The following PLCB4 variants were observed in gnomAD, a reference collection of about 807,000 sequenced individuals.
PLCB4 encodes phospholipase C beta 4.
Under a neutral mutation model 178.8 loss-of-function variants are expected in PLCB4, and 77 were observed. The observed-to-expected ratio is 0.43, with a 90% CI of 0.36 to 0.52. PLCB4 has a LOEUF of 0.52. Among genes scored for constraint, PLCB4 ranks in the 20% least tolerant of loss-of-function variants. The probability of loss-of-function intolerance (pLI) is 0.00; values close to 1 mark genes in which losing one functional copy is unlikely to be tolerated. For missense variants in PLCB4, 1,024 were observed against 1,453.4 expected, an observed-to-expected ratio of 0.70 and a Z score of 4.80; for synonymous variants, 496 against 490.8, an observed-to-expected ratio of 1.01 and a Z score of -0.14.
At chr20:9,136,350 C>A (rs12479503) in intron 2 of PLCB4, among the ~76,000 whole-genome samples, 1 of 151,832 alleles carries the variant, frequency 6.6e-6, no homozygotes, top group African/African-American at 2.4e-5. Context: ...CAGTGTGTGC[C>A]GATAAGCAGA....
intron 12 of PLCB4, among the ~76,000 whole-genome samples, chr20:9,378,722 G>T (rs2036889125): frequency 6.6e-6 from 1 of 152,102 alleles, no homozygotes; most frequent in South Asian, 2.1e-4. Flanking sequence ...ACAGAAGCAT[G>T]CTTCATTGGG....
chr20:9,232,129 T>C (rs1211294308), intron 3 of PLCB4, among the ~76,000 whole-genome samples: 2 of 152,134 alleles, frequency 1.3e-5, no homozygotes, highest in Non-Finnish European at 2.9e-5. Context: ...AGAAAGCAGA[T>C]CAGTGGTTGC....
intron 12 of PLCB4, among the ~76,000 whole-genome samples, chr20:9,378,528 C>T (rs1165626608): frequency 1.3e-5 from 2 of 152,102 alleles, no homozygotes; most frequent in Non-Finnish European, 2.9e-5. Context: ...GCATCAATTT[C>T]CTAAACAAGG....
Position 9,338,030 on chromosome 20 carries a change from C to T in PLCB4, c.188C>T (p.Ser63Phe). The T allele has an allele frequency of 6.2e-7, 1 of 1,611,830 alleles. No individual in the cohort carries two copies. The highest frequency in any genetic ancestry group is 8.5e-7 in the Non-Finnish European group (1 of 1,178,226). ...CAGGAAGGACAGGTGCTAGAATGCT[C>T]CCTCATCAACAGTATTCGGTCGGGA... ...EGKEGQVLEC[S>F]LINSIRSGAI... is the part of the protein sequence containing the mutation. Residue 63 changes from serine (S) to phenylalanine (F), a missense_variant, in exon 6 of 40, where the codon TCC becomes TTC. By Grantham distance (155) the Ser-to-Phe change is radical (BLOSUM62 -2). Around this residue, in one of 7 missense-constraint regions of PLCB4, gnomAD observed 225 missense variants for 291.0 expected, o/e 0.77. Transcript: ENST00000378473.
chr20:9,470,015 G>A (rs2044075457), intron 36 of PLCB4, among the ~76,000 whole-genome samples: 1 of 152,164 alleles, frequency 6.6e-6, no homozygotes, highest in African/African-American at 2.4e-5. Context: ...TGGCCTTTTG[G>A]CCAAAGTCCA....
intron 3 of PLCB4, among the ~76,000 whole-genome samples, chr20:9,230,831 G>A (rs2093923978): frequency 6.6e-6 from 1 of 152,096 alleles, no homozygotes; most frequent in South Asian, 2.1e-4. Context: ...GCAAAACCAT[G>A]CCATAATTTC....
chr20:9,220,013 T>C (rs2093778812), intron 3 of PLCB4, among the ~76,000 whole-genome samples: 1 of 151,138 alleles, frequency 6.6e-6, no homozygotes, highest in South Asian at 2.1e-4. Flanking sequence ...CAATTTAGCT[T>C]TTTTTTTTAA....
intron 2 of PLCB4, among the ~76,000 whole-genome samples, chr20:9,130,593 GT>G (rs1275970448): frequency 4.6e-5 from 7 of 152,152 alleles, no homozygotes; most frequent in Admixed American, 3.9e-4. Context: ...GATGTTTTCT[GT>G]TTTGGACTGT....
intron 30 of PLCB4, among the ~76,000 whole-genome samples, chr20:9,438,800 T>A (rs1431827844): frequency 6.6e-6 from 1 of 152,078 alleles, no homozygotes; most frequent in African/African-American, 2.4e-5. Flanking sequence ...GGTGATTGGA[T>A]GATGAAGGTA....
chr20:9,446,507 G>A (rs933145437), intron 32 of PLCB4, among the ~76,000 whole-genome samples: 10 of 152,134 alleles, frequency 6.6e-5, no homozygotes, highest in Admixed American at 4.6e-4. Flanking sequence ...CATCATGCCC[G>A]GCCCAAGCTA....
At chr20:9,237,684 C>T (rs2094008246) in intron 3 of PLCB4, among the ~76,000 whole-genome samples, 2 of 152,158 alleles carry the variant, frequency 1.3e-5, no homozygotes, top group Admixed American at 6.5e-5. Flanking sequence ...AAAGTTTGCA[C>T]AAGAAAAGAG....
At chr20:9,158,787 A>G (rs1015108006) in intron 2 of PLCB4, among the ~76,000 whole-genome samples, 1 of 152,138 alleles carries the variant, frequency 6.6e-6, no homozygotes, top group Non-Finnish European at 1.5e-5. Flanking sequence ...TGAGACAGAG[A>G]GATTTTAAAG....
chr20:9,324,431 A>AAACAAC (rs556728074), intron 4 of PLCB4, among the ~76,000 whole-genome samples: 2 of 151,938 alleles, frequency 1.3e-5, no homozygotes, highest in African/African-American at 2.4e-5. Context: ...TCTGTCTCAA[A>AAACAAC]AACAACAACA....
chr20:9,463,393 C>T (rs2043533076), intron 35 of PLCB4, among the ~76,000 whole-genome samples: 1 of 151,972 alleles, frequency 6.6e-6, no homozygotes, highest in South Asian at 2.1e-4. Context: ...ATCATAATGA[C>T]AGGATCAAAT....
intron 30 of PLCB4, among the ~76,000 whole-genome samples, chr20:9,442,615 C>T (rs1351055811): frequency 1.3e-5 from 2 of 152,144 alleles, no homozygotes; most frequent in Non-Finnish European, 2.9e-5. Flanking sequence ...CTTGCATACT[C>T]CCCAAATCCT....
chr20:9,476,936 G>A (rs2044588079), intron 39 of PLCB4, among the ~76,000 whole-genome samples, 183 bp downstream of exon 39: 1 of 152,100 alleles, frequency 6.6e-6, no homozygotes, highest in Admixed American at 6.6e-5. Context: ...AATGCCCTAA[G>A]TCTTTAGAGA....
rs1044773584 is a variant in PLCB4, at chr20:9,307,820, C to G, written c.6C>G (p.Ala2=). Residue 2 remains alanine, a synonymous_variant, in exon 4 of 40, where the codon GCC becomes GCG. Transcript: ENST00000378473. M[A]KPYEFNWQKE... ...TTTAGGTCTTGAATATAATCATGGC[C>G]AAACCTTATGAATTTAACTGGCAGA... 5.0e-6 allele frequency: 8 copies of G among 1,590,316 alleles called. No homozygotes were observed. Among genetic ancestry groups the G allele is most frequent in the Non-Finnish European group, 6.9e-6 (8 of 1,162,198 alleles).
At chr20:9,398,938 G>A (rs540925605) in intron 19 of PLCB4, among the ~76,000 whole-genome samples, 8 of 152,252 alleles carry the variant, frequency 5.3e-5, no homozygotes, top group South Asian at 2.1e-4. Flanking sequence ...ACTTTTGTAC[G>A]TTACAGTACT....
chr20:9,412,947 C>T (rs1264156325), intron 25 of PLCB4, among the ~76,000 whole-genome samples: 5 of 152,154 alleles, frequency 3.3e-5, no homozygotes, highest in Admixed American at 1.3e-4. Flanking sequence ...TAACAGTTTA[C>T]GACAGCTCAG....
Sources: gnomAD v4.1 joint callset for allele counts (sites outside exome capture counted in the v4.1 genomes callset) on GRCh38, gnomAD v4.1.1 for gene constraint, gnomAD v4.1.1 regional missense constraint, MANE v1.5 for transcripts, NCBI Gene and HGNC (gene_info 2026-07-23, HGNC 2026-07-21) for gene names.